The following L3MBTL4 variants were observed in gnomAD, a reference collection of about 807,000 sequenced individuals.
L3MBTL4 encodes L3MBTL histone methyl-lysine binding protein 4, also known as lethal(3)malignant brain tumor-like protein 4.
In L3MBTL4, 70 loss-of-function variants were observed where a neutral mutation model predicts 84.5. The observed-to-expected ratio is 0.83, with a 90% confidence interval of 0.68 to 1.01. The LOEUF (loss-of-function observed/expected upper bound fraction) is 1.01, where lower values mean the gene tolerates loss of function less well. Ranked by LOEUF, L3MBTL4 falls within the 50% of genes least tolerant of loss-of-function variation. The pLI is 0.00. For missense variants in L3MBTL4, 715 were observed against 754.8 expected, an observed-to-expected ratio of 0.95 and a Z score of 0.62; for synonymous variants, 274 against 259.8, an observed-to-expected ratio of 1.05 and a Z score of -0.52.
chr18:6,194,668 C>T (rs2045293079), intron 12 of L3MBTL4, among the ~76,000 whole-genome samples: 1 of 152,194 alleles, frequency 6.6e-6, no homozygotes, highest in African/African-American at 2.4e-5. Context: ...AAGTCACAGT[C>T]AGACAGAATG....
At chr18:6,239,087 A>T (rs1318446698) in intron 9 of L3MBTL4, among the ~76,000 whole-genome samples, 2 of 152,110 alleles carry the variant, frequency 1.3e-5, no homozygotes, top group African/African-American at 4.8e-5. Context: ...CACGCCTGTA[A>T]TCCCAGCACT....
At chr18:6,095,089 A>G (rs1446122106) in intron 14 of L3MBTL4, among the ~76,000 whole-genome samples, 2 of 152,238 alleles carry the variant, frequency 1.3e-5, no homozygotes, top group East Asian at 3.8e-4. Context: ...ACAATTTATA[A>G]TAAGAATTAA....
intron 16 of L3MBTL4, among the ~76,000 whole-genome samples, chr18:6,016,148 T>C (rs797000391): frequency 1.3e-5 from 2 of 151,704 alleles, no homozygotes; most frequent in African/African-American, 4.8e-5. Flanking sequence ...GGTGTGGAAG[T>C]GGGGTTGGCA....
chr18:6,369,239 A>G (rs557147598), intron 1 of L3MBTL4, among the ~76,000 whole-genome samples: 125 of 152,274 alleles, frequency 8.2e-4, no homozygotes, highest in Admixed American at 1.8e-3. Context: ...GACAGAAATC[A>G]GCCATCTGTA....
chr18:6,101,943 C>T (rs1244643078), intron 14 of L3MBTL4, among the ~76,000 whole-genome samples: 1 of 152,162 alleles, frequency 6.6e-6, no homozygotes, highest in African/African-American at 2.4e-5. Flanking sequence ...CATCTGACCC[C>T]AGGCCACCTT....
chr18:6,315,014 T>C (rs1475450049), intron 1 of L3MBTL4, among the ~76,000 whole-genome samples: 3 of 152,170 alleles, frequency 2.0e-5, no homozygotes, highest in African/African-American at 7.2e-5. Flanking sequence ...TATCCCAGTT[T>C]AAACAATAAA....
intron 13 of L3MBTL4, among the ~76,000 whole-genome samples, chr18:6,170,127 G>A (rs760778538): frequency 1.3e-5 from 2 of 152,092 alleles, no homozygotes; most frequent in Admixed American, 6.6e-5. Flanking sequence ...GAGGCATAGA[G>A]AGGCACACAC....
intron 14 of L3MBTL4, among the ~76,000 whole-genome samples, chr18:6,109,388 C>T (rs527683594): frequency 4.6e-5 from 7 of 152,034 alleles, no homozygotes; most frequent in Non-Finnish European, 1.0e-4. Flanking sequence ...TGTTATGAGG[C>T]TTGCATTTCT....
chr18:6,124,483 C>G (rs1202444136), intron 14 of L3MBTL4, among the ~76,000 whole-genome samples: 1 of 148,900 alleles, frequency 6.7e-6, no homozygotes, highest in Non-Finnish European at 1.5e-5. Context: ...ATATACACAC[C>G]AATACATGCA....
intron 16 of L3MBTL4, among the ~76,000 whole-genome samples, chr18:5,996,818 G>A (rs1455007934): frequency 1.3e-5 from 2 of 152,292 alleles, no homozygotes; most frequent in East Asian, 3.9e-4. Context: ...CAGGACTTAA[G>A]CCCTATTTAG....
chr18:6,257,645 C>CTTTTTTTTTTT (rs770563046), intron 5 of L3MBTL4, among the ~76,000 whole-genome samples: 1 of 127,498 alleles, frequency 7.8e-6, no homozygotes, highest in Non-Finnish European at 1.7e-5. Flanking sequence ...TTTTCTTTTT[C>CTTTTTTTTTTT]TTTTTTTTTT....
chr18:6,126,593 C>G (rs2059701798), intron 14 of L3MBTL4, among the ~76,000 whole-genome samples: 1 of 151,750 alleles, frequency 6.6e-6, no homozygotes, highest in South Asian at 2.1e-4. Context: ...ATAGTTGCTA[C>G]AAAATTAAGC....
At chr18:6,090,585 T>A (rs377122201) in intron 15 of L3MBTL4, among the ~76,000 whole-genome samples, 8 of 122,602 alleles carry the variant, frequency 6.5e-5, no homozygotes, top group Non-Finnish European at 3.2e-5. Context: ...GTATATATAT[T>A]ATATATATAC....
At chr18:6,077,356 A>T (rs1419457725) in intron 16 of L3MBTL4, among the ~76,000 whole-genome samples, 7 of 152,112 alleles carry the variant, frequency 4.6e-5, no homozygotes, top group Non-Finnish European at 1.0e-4. Context: ...AGTAATTAAA[A>T]TTTTTATCAT....
rs1046970687 is a variant in L3MBTL4 at position 6,269,394 on chromosome 18, G to A, written c.128-5356C>T. Among the ~76,000 whole-genome samples, 11 of 152,138 alleles carry A rather than the reference G, an allele frequency of 7.2e-5. No homozygotes were observed. In the East Asian group the frequency reaches 2.1e-3, roughly 29 times the overall value. ...ATGGCGTGAACCCGGGAAGGAGAGT[G>A]TACAGTGAGCCAAGATCGCACCACT... On this transcript the variant is annotated intron_variant, in intron 4 of 18. Coordinates refer to ENST00000317931, the MANE Select transcript of L3MBTL4 (RefSeq NM_001330559.2).
At chr18:6,222,228 G>A (rs557863421) in intron 10 of L3MBTL4, among the ~76,000 whole-genome samples, 73 of 152,252 alleles carry the variant, frequency 4.8e-4, no homozygotes, top group Non-Finnish European at 6.8e-4. Context: ...ACAGCAGTAC[G>A]TCAGATTTTT....
At chr18:6,166,170 T>C (rs888947458) in intron 13 of L3MBTL4, among the ~76,000 whole-genome samples, 4 of 152,116 alleles carry the variant, frequency 2.6e-5, no homozygotes, top group African/African-American at 9.7e-5. Context: ...AGCACCCAGA[T>C]TCATAAAGCA....
At chr18:5,988,195 C>T (rs983658522) in intron 16 of L3MBTL4, among the ~76,000 whole-genome samples, 12 of 152,194 alleles carry the variant, frequency 7.9e-5, no homozygotes, top group African/African-American at 2.9e-4. Flanking sequence ...ATTTAAGCTG[C>T]AGCATCACAG....
At chr18:6,327,516 A>G (rs2051789520) in intron 1 of L3MBTL4, among the ~76,000 whole-genome samples, 1 of 152,224 alleles carries the variant, frequency 6.6e-6, no homozygotes, top group African/African-American at 2.4e-5. Context: ...AGGATGATAC[A>G]TGCCATATAT....
Sources: allele counts gnomAD v4.1 joint callset (sites outside exome capture counted in the v4.1 genomes callset), GRCh38; gene constraint gnomAD v4.1.1; transcripts MANE v1.5; gene names NCBI Gene and HGNC (gene_info 2026-07-23, HGNC 2026-07-21).